The following MYH3 variants were observed in gnomAD, a reference collection of about 807,000 sequenced individuals.
MYH3 encodes the protein myosin-3.
Under a neutral mutation model 238.0 loss-of-function variants are expected in MYH3, and 130 were observed. The observed-to-expected ratio is 0.55, with a 90% CI of 0.47 to 0.63. MYH3 has a LOEUF of 0.63. Ranked by LOEUF, MYH3 falls within the 30% of genes least tolerant of loss-of-function variation. The pLI is 0.00. For synonymous variants in MYH3, 880 were observed against 924.1 expected (o/e 0.95, Z 0.86); for missense variants, 1,853 against 2,374.9 (o/e 0.78, Z 4.57).
intron 32 of MYH3, 139 bp from the exon 33 acceptor site, chr17:10,633,854 G>C (rs1567552867): frequency 6.7e-7 from 1 of 1,483,004 alleles, no homozygotes; most frequent in Non-Finnish European, 9.3e-7. Flanking sequence ...ATATTGTACA[G>C]AGAGAGGCTA....
the MYH3 span, chr17:10,675,841 G>C: frequency 6.6e-6 from 1 of 152,146 alleles, no homozygotes; most frequent in Non-Finnish European, 1.5e-5. Context: ...GAGGCTTGGC[G>C]GGGAGGGTTG....
chr17:10,647,058 TAAATA>T (rs56762662), intron 10 of MYH3, 119 bp downstream of exon 10: 83 of 786,606 alleles, frequency 1.1e-4, no homozygotes, highest in Non-Finnish European at 1.7e-4. Context: ...TCAAAATAAA[TAAATA>T]AAATAAAATA....
At chr17:10,653,882 C>T (rs941179096) in intron 3 of MYH3, among the ~76,000 whole-genome samples, 10 of 152,166 alleles carry the variant, frequency 6.6e-5, no homozygotes, top group Non-Finnish European at 1.3e-4. Context: ...GTGTTAGCAG[C>T]CCATTCTTAG....
At chr17:10,667,269 A>G in the MYH3 span, among the ~76,000 whole-genome samples, 73 of 152,212 alleles carry the variant, frequency 4.8e-4, no homozygotes, top group African/African-American at 1.6e-3. Flanking sequence ...GAGCATAACG[A>G]TATTTATTGT....
rs2142394505 is a variant in MYH3 at position 10,637,908 on chromosome 17, G to A, written c.3757C>T (p.Leu1253=). Residue 1253 remains leucine, a synonymous_variant, in exon 28 of 41, where the codon CTG becomes TTG. Coordinates refer to ENST00000583535, the MANE Select transcript of MYH3 (RefSeq NM_002470.4). ...KANLEKICRT[L]EDQLSEARGK... ...CTGGCCTCACTTAACTGATCCTCCA[G>A]GGTTCGGCAGATTTTTTCCAGATTT... 6.2e-7 allele frequency: 1 copy of A among 1,614,124 alleles called. No individual in the cohort carries two copies. Among genetic ancestry groups the A allele is most frequent in the Non-Finnish European group, 8.5e-7 (1 of 1,180,032 alleles).
chr17:10,660,676 C>T (rs1307660159), upstream of MYH3, among the ~76,000 whole-genome samples: 1 of 67,898 alleles, frequency 1.5e-5, no homozygotes, highest in African/African-American at 1.2e-4. Context: ...GACTCTGACT[C>T]GGAAAAAAAA....
At chr17:10,652,121 G>A (rs1405052487) in intron 4 of MYH3, among the ~76,000 whole-genome samples, 1 of 152,066 alleles carries the variant, frequency 6.6e-6, no homozygotes, top group African/African-American at 2.4e-5. Flanking sequence ...GTGAGGCACT[G>A]AGACTCAAAA....
chr17:10,641,723 C>T (rs1275356333), intron 17 of MYH3, among the ~76,000 whole-genome samples: 2 of 151,984 alleles, frequency 1.3e-5, no homozygotes, highest in African/African-American at 4.8e-5. Context: ...ACTGTGTTAG[C>T]CAGGATGGTC....
At chr17:10,668,501 G>A in the MYH3 span, among the ~76,000 whole-genome samples, 4 of 152,164 alleles carry the variant, frequency 2.6e-5, no homozygotes, top group Admixed American at 1.3e-4. Flanking sequence ...CCTTGGTGAG[G>A]TCCTAGGTTG....
At chr17:10,640,737 C>T (rs2074263565) in intron 19 of MYH3, 51 bp from the exon 20 acceptor site, 2 of 1,599,836 alleles carry the variant, frequency 1.3e-6, no homozygotes, top group Non-Finnish European at 1.7e-6. Flanking sequence ...AGACACAAAC[C>T]TTGGAGAACA....
chr17:10,633,256 T>C (rs2074182332), intron 33 of MYH3, among the ~76,000 whole-genome samples: 1 of 152,256 alleles, frequency 6.6e-6, no homozygotes, highest in African/African-American at 2.4e-5. Context: ...CACGTTTCAT[T>C]GCTTTTTGGT....
intron 34 of MYH3, 24 bp from the exon 35 acceptor site, chr17:10,632,040 C>G: frequency 6.2e-7 from 1 of 1,610,804 alleles, no homozygotes; most frequent in Non-Finnish European, 8.5e-7. Context: ...AACGAACATT[C>G]TATTTGAAGT....
At chr17:10,669,262 T>C in the MYH3 span, among the ~76,000 whole-genome samples, 3 of 152,044 alleles carry the variant, frequency 2.0e-5, no homozygotes, top group Non-Finnish European at 4.4e-5. Flanking sequence ...ACCAAAAAAG[T>C]GGAGTTGAGG....
the MYH3 span, among the ~76,000 whole-genome samples, chr17:10,671,114 G>A: frequency 5.9e-5 from 9 of 152,118 alleles, no homozygotes; most frequent in East Asian, 3.9e-4. Flanking sequence ...AACTGGTCTC[G>A]AACTCCTGAC....
chr17:10,633,249 G>A (rs749587437), intron 33 of MYH3, among the ~76,000 whole-genome samples: 8 of 152,082 alleles, frequency 5.3e-5, no homozygotes, highest in Non-Finnish European at 8.8e-5. Flanking sequence ...ATAAAAGCAC[G>A]TTTCATTGCT....
chr17:10,629,640 A>G lies in MYH3; in HGVS notation c.5753T>C (p.Val1918Ala). 6.2e-7 allele frequency: 1 copy of G among 1,614,052 alleles called. No homozygotes were observed. The highest frequency in any genetic ancestry group is 1.1e-5 in the South Asian group (1 of 91,076). Residue 1918 changes from valine to alanine, a missense_variant, in exon 40 of 41, where the codon GTC becomes GCC. Transcript: ENST00000583535. ...EERADIAESQ[V>A]NKLRAKTRDF... The stretch of plus-strand genomic sequence containing the variant: ...TCGAGTCTTAGCGCGGAGCTTGTTG[A>G]CTTGAGATTCTGCGATATCCGCACG...
chr17:10,657,708 T>C (rs976367343), upstream of MYH3, among the ~76,000 whole-genome samples: 1 of 152,220 alleles, frequency 6.6e-6, no homozygotes, highest in African/African-American at 2.4e-5. Flanking sequence ...AATCTCATCA[T>C]ATGGAAAAGT....
rs553747754 is a variant in MYH3, at chr17:10,639,941, T to A, written c.2682+55A>T. ...CCACCAATAACTCAATTTTTCTAAA[T>A]AAATAATCAAATCTAGAAGAGTTAA... On this transcript the variant is annotated intron_variant, in intron 22 of 40. Coordinates refer to ENST00000583535, the MANE Select transcript of MYH3 (RefSeq NM_002470.4). The A allele has an allele frequency of 1.6e-5, 25 of 1,591,480 alleles. No homozygotes were observed. The African/African-American group carries it at 3.2e-4, about 20-fold the overall frequency.
chr17:10,640,097 T>A lies in MYH3; in HGVS notation c.2581A>T (p.Lys861Ter). Residue 861 changes from lysine to a stop codon, truncating the protein, a stop_gained, in exon 22 of 41, where the codon AAA (lysine) becomes TAA (stop). Coordinates refer to ENST00000583535, the MANE Select transcript of MYH3 (RefSeq NM_002470.4). LOFTEE classifies it high-confidence loss of function. ...GCCTCCGACTTGGCGAGTTCATCTT[T>A]GGTTTTCTGGAATTCTTCCTTCATG... ...ATMKEEFQKT[K>*]DELAKSEAKR... 1 of 1,614,212 alleles carries A rather than the reference T, an allele frequency of 6.2e-7. No individual in the cohort carries two copies. The highest frequency in any genetic ancestry group is 8.5e-7 in the Non-Finnish European group (1 of 1,180,050).
Sources: allele counts gnomAD v4.1 joint callset (sites outside exome capture counted in the v4.1 genomes callset), GRCh38; gene constraint gnomAD v4.1.1; transcripts MANE v1.5; gene names NCBI Gene and HGNC (gene_info 2026-07-23, HGNC 2026-07-21).